C1QTNF6: variants seen among roughly 807,000 people sequenced by gnomAD.
The protein encoded by C1QTNF6 is C1q and TNF related 6.
Under a neutral mutation model 20.7 loss-of-function variants are expected in C1QTNF6, and 17 were observed. The observed-to-expected ratio is 0.82, with a 90% CI of 0.56 to 1.23. The LOEUF is 1.23. Among genes scored for constraint, C1QTNF6 ranks in the 50% most tolerant of loss-of-function variants. The pLI is 0.00. For synonymous variants in C1QTNF6, 130 were observed against 156.3 expected (o/e 0.83, Z 1.25); for missense variants, 329 against 389.7 (o/e 0.84, Z 1.31).
upstream of C1QTNF6, among the ~76,000 whole-genome samples, chr22:37,189,167 T>C (rs1225890377): frequency 2.0e-5 from 3 of 152,210 alleles, no homozygotes; most frequent in Non-Finnish European, 2.9e-5. Flanking sequence ...TTGTAGGCTG[T>C]CTTGGTGCTG....
At chr22:37,194,586 C>A (rs1280089993) in intron 2 of C1QTNF6, among the ~76,000 whole-genome samples, 3 of 152,188 alleles carry the variant, frequency 2.0e-5, no homozygotes, top group African/African-American at 7.2e-5. Flanking sequence ...AAAAGAAAAT[C>A]GTCTTTTTCC....
In C1QTNF6 at chr22:37,182,146, C is replaced by T. The variant is rs760012245; in HGVS notation, c.*42G>A. On this transcript the variant is annotated 3_prime_UTR_variant, in exon 3 of 3. Coordinates refer to ENST00000337843, the MANE Select transcript of C1QTNF6 (RefSeq NM_031910.4). ...AACTGAGCCCTGCAGGGGACGGGAC[C>T]AGCACCTGAGCTCTCCAGCCGGGAG... 1.3e-6 allele frequency: 2 copies of T among 1,571,288 alleles called. No individual in the cohort carries two copies. Among genetic ancestry groups the T allele is most frequent in the South Asian group, 1.2e-5 (1 of 83,260 alleles).
upstream of C1QTNF6, among the ~76,000 whole-genome samples, chr22:37,189,820 T>C (rs1483303880): frequency 1.3e-5 from 2 of 152,210 alleles, no homozygotes; most frequent in Non-Finnish European, 2.9e-5. Context: ...TTATCCCAAG[T>C]AATCCAAATA....
chr22:37,188,225 C>A lies in C1QTNF6; in HGVS notation c.-12G>T, dbSNP rs371306732. 6.2e-7 allele frequency: 1 copy of A among 1,602,268 alleles called. No individual in the cohort carries two copies. Among genetic ancestry groups the A allele is most frequent in the African/African-American group, 1.3e-5 (1 of 74,450 alleles). ...CTGAGCCACTGCATGGCCTCTGGCT[C>A]CTTGGCCCATGTCTGCAATACTAAC... On this transcript the variant is annotated 5_prime_UTR_variant, in exon 1 of 3. Transcript: ENST00000337843.
chr22:37,196,802 TC>T (rs375984297), intron 1 of C1QTNF6: 17 of 152,308 alleles, frequency 1.1e-4, no homozygotes, highest in African/African-American at 3.9e-4. Context: ...AGGTGCTAAA[TC>T]CCATTCCCCC....
chr22:37,183,674 G>A (rs542132476), intron 2 of C1QTNF6, among the ~76,000 whole-genome samples: 1 of 152,368 alleles, frequency 6.6e-6, no homozygotes, highest in African/African-American at 2.4e-5. Flanking sequence ...GAGGGCACAG[G>A]CCCTTGAGGT....
chr22:37,189,903 T>C (rs1924700054), upstream of C1QTNF6, among the ~76,000 whole-genome samples: 1 of 152,218 alleles, frequency 6.6e-6, no homozygotes, highest in African/African-American at 2.4e-5. Context: ...CCTACTGGGC[T>C]GCATTCCCAG....
intron 1 of C1QTNF6, chr22:37,185,938 G>A (rs1233150220): frequency 1.0e-6 from 1 of 986,158 alleles, no homozygotes; most frequent in Admixed American, 6.1e-5. Flanking sequence ...CGGGCAGGAG[G>A]ACTGAGGTTA....
rs1463725453 is a variant in C1QTNF6, at chr22:37,184,365, C to T, written c.289+853G>A. On this transcript the variant is annotated intron_variant, in intron 2 of 2. Coordinates refer to ENST00000337843, the MANE Select transcript of C1QTNF6 (RefSeq NM_031910.4). This position sits in a 1 kb window ranked among gnomAD's most constrained non-coding sequence, Gnocchi z 4.0. ...ACGGGCTGTTGTGGGCAGAGACGGACGCTAAGGATGTCAAGGCCTGGTCAC... is the reference window on the plus strand; with the variant it reads ...ACGGGCTGTTGTGGGCAGAGACGGATGCTAAGGATGTCAAGGCCTGGTCAC... 5.2e-5 allele frequency: 37 copies of T among 717,226 alleles called. No homozygotes were observed. In the East Asian group the frequency reaches 8.0e-4, roughly 16 times the overall value. 44.4% of individuals were successfully genotyped at this position (717,226 alleles called of 1,614,324 possible). A position where few individuals can be genotyped will look rare whatever the true frequency, so the allele number is the denominator to read the frequency against.
Position 37,184,491 on chromosome 22 carries a change from CTT to C in C1QTNF6, c.289+725_289+726del. 1 of 683,418 alleles carries C rather than the reference CTT, an allele frequency of 1.5e-6. No homozygotes were observed. 42.3% of individuals were successfully genotyped at this position (683,418 alleles called of 1,614,324 possible). On this transcript the variant is annotated intron_variant, in intron 2 of 2. Coordinates refer to ENST00000337843, the MANE Select transcript of C1QTNF6 (RefSeq NM_031910.4). This position sits in a 1 kb window ranked among gnomAD's most constrained non-coding sequence, Gnocchi z 4.0. The stretch of plus-strand genomic sequence containing the variant: ...ACCTGGACGGCCCTCACCTGGATGC[CTT>C]TCACCTGGACGGGCCCTCACCTGGA...
At chr22:37,195,759 G>C (rs950000117) in intron 1 of C1QTNF6, 1 of 152,210 alleles carries the variant, frequency 6.6e-6, no homozygotes, top group Non-Finnish European at 1.5e-5. Context: ...GACCGTATAA[G>C]GTAATTTCTG....
intron 2 of C1QTNF6, among the ~76,000 whole-genome samples, chr22:37,193,849 T>C (rs1362707078): frequency 2.6e-5 from 4 of 152,050 alleles, no homozygotes; most frequent in Non-Finnish European, 5.9e-5. Context: ...ATGGCAAAGG[T>C]CACATAGATA....
intron 2 of C1QTNF6, among the ~76,000 whole-genome samples, chr22:37,194,980 T>A (rs1490166464): frequency 3.3e-5 from 5 of 150,848 alleles, no homozygotes; most frequent in African/African-American, 1.2e-4. Flanking sequence ...GGATCAATAG[T>A]TCAGGAGGTC....
rs1924091115 is a variant in C1QTNF6 at position 37,184,446 on chromosome 22, A to G, written c.289+772T>C. 1 of 716,750 alleles carries G rather than the reference A, an allele frequency of 1.4e-6. No homozygotes were observed. The highest frequency in any genetic ancestry group is 2.6e-6 in the Non-Finnish European group (1 of 384,940). 44.4% of individuals were successfully genotyped at this position (716,750 alleles called of 1,614,324 possible). On this transcript the variant is annotated intron_variant, in intron 2 of 2. Transcript: ENST00000337843. This position sits in a 1 kb window ranked among gnomAD's most constrained non-coding sequence, Gnocchi z 4.0. Reference sequence around the variant, plus strand: ...GCGAGTCCTTCCACGTCCTATTGAGAGAGCGGGTAGCCAGCCCGCACCTGG... The same window carrying G: ...GCGAGTCCTTCCACGTCCTATTGAGGGAGCGGGTAGCCAGCCCGCACCTGG...
upstream of C1QTNF6, chr22:37,188,250 C>T: frequency 1.3e-6 from 2 of 1,549,630 alleles, no homozygotes; most frequent in Non-Finnish European, 1.7e-6. Flanking sequence ...GCAATACTAA[C>T]TTGTTGCTGG....
intron 2 of C1QTNF6, among the ~76,000 whole-genome samples, chr22:37,194,314 T>A (rs563771475): frequency 6.6e-6 from 1 of 152,340 alleles, no homozygotes; most frequent in South Asian, 2.1e-4. Flanking sequence ...GAAAAATTCA[T>A]AGCACTAAGT....
chr22:37,184,893 C>A lies in C1QTNF6; in HGVS notation c.289+325G>T, dbSNP rs1924158786. Among the ~76,000 whole-genome samples, 1 of 152,166 alleles carries A rather than the reference C, an allele frequency of 6.6e-6. No homozygotes were observed. The highest frequency in any genetic ancestry group is 2.1e-4 in the South Asian group (1 of 4,832). On this transcript the variant is annotated intron_variant, in intron 2 of 2. Transcript: ENST00000337843. The surrounding 1 kb of genome is among the most constrained non-coding windows in gnomAD (Gnocchi z 4.0). ...ACCACCTCATTCAATATGCAGCCTG[C>A]AGCCCAGACCCGCACTCCTGAAGCC...
In C1QTNF6 at chr22:37,184,364, A is replaced by T. The variant is rs1249905100; in HGVS notation, c.289+854T>A. The T allele has an allele frequency of 2.8e-6, 2 of 717,292 alleles. No homozygotes were observed. Among genetic ancestry groups the T allele is most frequent in the South Asian group, 3.0e-5 (2 of 67,608 alleles). 44.4% of individuals were successfully genotyped at this position (717,292 alleles called of 1,614,324 possible). A position where few individuals can be genotyped will look rare whatever the true frequency, so the allele number is the denominator to read the frequency against. On this transcript the variant is annotated intron_variant, in intron 2 of 2. Transcript: ENST00000337843. The surrounding 1 kb of genome is among the most constrained non-coding windows in gnomAD (Gnocchi z 4.0). ...CACGGGCTGTTGTGGGCAGAGACGGACGCTAAGGATGTCAAGGCCTGGTCA... is the reference window on the plus strand; with the variant it reads ...CACGGGCTGTTGTGGGCAGAGACGGTCGCTAAGGATGTCAAGGCCTGGTCA...
In C1QTNF6 at chr22:37,182,690, C is replaced by A. The variant is rs757706065; in HGVS notation, c.335G>T (p.Gly112Val). 1 of 1,612,698 alleles carries A rather than the reference C, an allele frequency of 6.2e-7. No homozygotes were observed. Among genetic ancestry groups the A allele is most frequent in the Non-Finnish European group, 8.5e-7 (1 of 1,179,878 alleles). The part of the protein sequence containing the change: ...PGPMGLPGYM[G>V]REGPQGEPGP... ...AGGCTCCCCTTGGGGACCCTCCCTG[C>A]CCATGTACCCTGGCAGGCCCATTGG... Residue 112 changes from glycine (G) to valine (V), a missense_variant, in exon 3 of 3, where the codon GGC becomes GTC. Transcript: ENST00000337843.
Sources: gnomAD v4.1 joint callset for allele counts (sites outside exome capture counted in the v4.1 genomes callset) on GRCh38, gnomAD v4.1.1 for gene constraint, Gnocchi (gnomAD v3.1) non-coding constraint, MANE v1.5 for transcripts, NCBI Gene and HGNC (gene_info 2026-07-23, HGNC 2026-07-21) for gene names.